ZMAT4: variants seen among roughly 807,000 people sequenced by gnomAD.
ZMAT4 encodes zinc finger matrin-type 4.
A neutral mutation model predicts 28.7 loss-of-function variants in ZMAT4; 17 were observed. The observed-to-expected ratio is 0.59, with a 90% CI of 0.41 to 0.89. The LOEUF (loss-of-function observed/expected upper bound fraction) is 0.89. Among genes scored for constraint, ZMAT4 ranks in the 40% least tolerant of loss-of-function variants. ZMAT4 has a pLI of 0.00. For synonymous variants in ZMAT4, 117 were observed against 109.2 expected (o/e 1.07, Z -0.44); for missense variants, 240 against 283.8 (o/e 0.85, Z 1.11).
Position 40,753,889 on chromosome 8 carries a change from C to T in ZMAT4, c.192+13752G>A, listed in dbSNP as rs111467635. Among the ~76,000 whole-genome samples the T allele has an allele frequency of 2.0e-3, 309 of 152,208 alleles. 3 individuals carry two copies. Among genetic ancestry groups the T allele is most frequent in the African/African-American group, 6.9e-3 (285 of 41,518 alleles). On this transcript the variant is annotated intron_variant, in intron 3 of 6. Transcript: ENST00000297737. ...ATCAAGTATTTAGCATAGGGCCTGA[C>T]ACATTAAATAGGTTTAGGCTGGGCA...
intron 1 of ZMAT4, among the ~76,000 whole-genome samples, chr8:40,869,827 G>A (rs912642604): frequency 1.3e-5 from 2 of 152,138 alleles, no homozygotes; most frequent in Admixed American, 6.5e-5. Flanking sequence ...AGCACCATTA[G>A]CAGGGCACCG....
chr8:40,667,264 T>C (rs1033283320), intron 5 of ZMAT4, among the ~76,000 whole-genome samples: 5 of 152,080 alleles, frequency 3.3e-5, no homozygotes, highest in Non-Finnish European at 7.4e-5. Flanking sequence ...CACGCCATTC[T>C]CCTGACTCAG....
intron 3 of ZMAT4, among the ~76,000 whole-genome samples, chr8:40,719,132 G>C (rs947120716): frequency 5.3e-5 from 8 of 152,116 alleles, no homozygotes; most frequent in African/African-American, 1.9e-4. Flanking sequence ...TAATTAAGAA[G>C]TTGACATATG....
rs542405555 is a variant in ZMAT4 at position 40,750,579 on chromosome 8, G to A, written c.192+17062C>T. On this transcript the variant is annotated intron_variant, in intron 3 of 6. Coordinates refer to ENST00000297737, the MANE Select transcript of ZMAT4 (RefSeq NM_024645.3). The stretch of plus-strand genomic sequence containing the variant: ...ATACAAATTTTCAGGAAAGAGTTGA[G>A]ATTCATGAGAAAAATAAACTTATGT... Among the ~76,000 whole-genome samples the A allele has an allele frequency of 2.6e-5, 4 of 152,270 alleles. No homozygotes were observed. The South Asian group carries it at 8.3e-4, about 32-fold the overall frequency.
intron 5 of ZMAT4, among the ~76,000 whole-genome samples, chr8:40,608,104 G>A (rs1805664346): frequency 6.6e-6 from 1 of 152,156 alleles, no homozygotes; most frequent in Non-Finnish European, 1.5e-5. Context: ...AAGTATTCAG[G>A]TTTCTCAGGC....
intron 3 of ZMAT4, among the ~76,000 whole-genome samples, chr8:40,706,446 A>C (rs772410654): frequency 3.9e-5 from 6 of 152,214 alleles, no homozygotes; most frequent in Non-Finnish European, 8.8e-5. Flanking sequence ...CAATTTTAAC[A>C]GATCAAGAAA....
intron 2 of ZMAT4, among the ~76,000 whole-genome samples, 170 bp from the exon 3 acceptor site, chr8:40,767,900 C>T (rs953376296): frequency 1.3e-5 from 2 of 152,098 alleles, no homozygotes; most frequent in Non-Finnish European, 2.9e-5. Flanking sequence ...AAGTGGCTTG[C>T]CCCAAGTTCT....
chr8:40,877,150 C>T (rs1159146894), intron 1 of ZMAT4, among the ~76,000 whole-genome samples: 1 of 152,118 alleles, frequency 6.6e-6, no homozygotes, highest in Non-Finnish European at 1.5e-5. Flanking sequence ...GCGATGAAGA[C>T]CCACAGGGAG....
chr8:40,562,920 G>A (rs1024901383), intron 6 of ZMAT4, among the ~76,000 whole-genome samples: 1 of 152,142 alleles, frequency 6.6e-6, no homozygotes, highest in Non-Finnish European at 1.5e-5. Flanking sequence ...GTCACGACGT[G>A]TGTGTGCACA....
intron 5 of ZMAT4, among the ~76,000 whole-genome samples, chr8:40,646,859 G>A (rs1807341894): frequency 6.6e-6 from 1 of 152,158 alleles, no homozygotes; most frequent in Admixed American, 6.5e-5. Flanking sequence ...AAACCTTAGA[G>A]ACATCTGTAG....
chr8:40,671,288 A>C (rs746065857), intron 5 of ZMAT4, among the ~76,000 whole-genome samples: 1 of 152,172 alleles, frequency 6.6e-6, no homozygotes, highest in Non-Finnish European at 1.5e-5. Flanking sequence ...TTAAAAATAC[A>C]TGCAACTTAT....
At chr8:40,822,055 G>A (rs544494409) in intron 2 of ZMAT4, among the ~76,000 whole-genome samples, 1 of 152,302 alleles carries the variant, frequency 6.6e-6, no homozygotes, top group South Asian at 2.1e-4. Context: ...TTAACAGCAC[G>A]ATGTAATGTA....
intron 1 of ZMAT4, among the ~76,000 whole-genome samples, chr8:40,847,202 T>TAAAA (rs199603252): frequency 1.4e-4 from 12 of 86,420 alleles, no homozygotes; most frequent in Admixed American, 2.5e-4. Flanking sequence ...AGATTCCATC[T>TAAAA]AAAAAAACAA....
At chr8:40,695,003 T>A (rs1809820481) in intron 4 of ZMAT4, among the ~76,000 whole-genome samples, 1 of 152,134 alleles carries the variant, frequency 6.6e-6, no homozygotes, top group Non-Finnish European at 1.5e-5. Context: ...CCAAGAAGAA[T>A]CTAGACAGAC....
chr8:40,558,988 T>A (rs1293180898), intron 6 of ZMAT4, among the ~76,000 whole-genome samples: 1 of 152,184 alleles, frequency 6.6e-6, no homozygotes, highest in Non-Finnish European at 1.5e-5. Context: ...GGGTTAAGCC[T>A]CGCACCCCTG....
chr8:40,572,077 C>T (rs1804116879), intron 6 of ZMAT4, among the ~76,000 whole-genome samples: 1 of 152,066 alleles, frequency 6.6e-6, no homozygotes, highest in Admixed American at 6.6e-5. Context: ...TTTTAAGCTG[C>T]TTTTATTCTT....
intron 2 of ZMAT4, among the ~76,000 whole-genome samples, chr8:40,815,398 A>G (rs1815490088): frequency 6.6e-6 from 1 of 152,222 alleles, no homozygotes; most frequent in Non-Finnish European, 1.5e-5. Context: ...TTTGGTGTCA[A>G]AAGCAAATCA....
At chr8:40,582,488 C>CA (rs1013410128) in intron 5 of ZMAT4, among the ~76,000 whole-genome samples, 47 of 142,658 alleles carry the variant, frequency 3.3e-4, no homozygotes, top group South Asian at 6.6e-4. Context: ...GGCCTTGTCT[C>CA]AAAAAAAAAA....
In ZMAT4 at chr8:40,612,811, G is replaced by GTTT. The variant is rs57134245; in HGVS notation, c.578-31553_578-31551dup. 5.8e-5 allele frequency among the ~76,000 whole-genome samples: 5 copies of GTTT among 86,230 alleles called. 1 individual carries two copies. The highest frequency in any genetic ancestry group is 3.5e-5 in the African/African-American group (1 of 28,848). The allele number at this position is 86,230 out of a possible 152,430, so 56.6% of individuals were successfully genotyped here. A position where few individuals can be genotyped will look rare whatever the true frequency, so the allele number is the denominator to read the frequency against. On this transcript the variant is annotated intron_variant, in intron 5 of 6. Transcript: ENST00000297737. ...AGTCATTCTCTGTATTTTGGTTTTT[G>GTTT]TTTTTTTTTTTTTTTTTTGAGACGA...
Sources: allele counts gnomAD v4.1 joint callset (sites outside exome capture counted in the v4.1 genomes callset), GRCh38; gene constraint gnomAD v4.1.1; transcripts MANE v1.5; gene names NCBI Gene and HGNC (gene_info 2026-07-23, HGNC 2026-07-21).